Variants in SPON2 observed in about 807,000 individuals in gnomAD.
SPON2 encodes the protein spondin 2.
In SPON2, 32 loss-of-function variants were observed where a neutral mutation model predicts 29.9. The observed-to-expected ratio is 1.07, with a 90% CI of 0.81 to 1.44. The LOEUF is 1.44. Among genes scored for constraint, SPON2 ranks in the 40% most tolerant of loss-of-function variants. The pLI is 0.00. For missense variants in SPON2, 541 were observed against 455.5 expected (o/e 1.19, Z -1.71); for synonymous variants, 248 against 209.1 (o/e 1.19, Z -1.61).
intron 2 of SPON2, 24 bp from the exon 3 acceptor site, chr4:1,171,510 G>A (rs369401229): frequency 6.2e-7 from 1 of 1,601,610 alleles, no homozygotes; most frequent in Non-Finnish European, 8.5e-7. Flanking sequence ...CGGCCGCGCC[G>A]CGGACCATGG....
upstream of SPON2, among the ~76,000 whole-genome samples, chr4:1,177,796 A>G (rs1383086816): frequency 6.6e-6 from 1 of 152,098 alleles, no homozygotes; most frequent in Non-Finnish European, 1.5e-5. Flanking sequence ...GCCCAGCAGC[A>G]TGGAGCTCCT....
At chr4:1,198,719 C>G (rs74833265), upstream of SPON2, among the ~76,000 whole-genome samples, 1,489 of 152,182 alleles carry the variant, frequency 9.8e-3, 21 homozygotes, top group African/African-American at 0.034. Context: ...CTTACGAGGG[C>G]AGCGCAGTCA....
At chr4:1,175,082 C>T (rs1244342524), upstream of SPON2, among the ~76,000 whole-genome samples, 3 of 152,220 alleles carry the variant, frequency 2.0e-5, no homozygotes, top group Non-Finnish European at 2.9e-5. Flanking sequence ...ATCCACAGGC[C>T]TTTTTCCCAG....
At chr4:1,182,083 A>G (rs540981378) in intron 1 of SPON2, among the ~76,000 whole-genome samples, 1 of 152,340 alleles carries the variant, frequency 6.6e-6, no homozygotes, top group Non-Finnish European at 1.5e-5. Flanking sequence ...TACAACAACA[A>G]CAAAATGTAA....
At chr4:1,197,886 A>G (rs555242336), upstream of SPON2, among the ~76,000 whole-genome samples, 1 of 152,208 alleles carries the variant, frequency 6.6e-6, no homozygotes, top group Non-Finnish European at 1.5e-5. Context: ...GTGTCTTTGC[A>G]AAAATACACA....
At chr4:1,194,993 A>AGCCGGCGGCTCCAACCCCG (rs1728021906) in exon 1 of SPON2, 3 of 115,882 alleles carry the variant, frequency 2.6e-5, no homozygotes, top group South Asian at 2.9e-4. Flanking sequence ...GCCTCACCTC[A>AGCCGGCGGCTCCAACCCCG]CAGCCGGCGG....
upstream of SPON2, among the ~76,000 whole-genome samples, chr4:1,177,040 T>C (rs1370063923): frequency 6.6e-6 from 1 of 152,174 alleles, no homozygotes; most frequent in Non-Finnish European, 1.5e-5. Flanking sequence ...CAGTAAAGTG[T>C]TTAGTGAATT....
upstream of SPON2, among the ~76,000 whole-genome samples, chr4:1,175,269 G>A (rs772994959): frequency 1.6e-4 from 24 of 152,362 alleles, no homozygotes; most frequent in Non-Finnish European, 3.5e-4. Flanking sequence ...AAGCCAGGGT[G>A]CCGCTCCAGA....
At chr4:1,189,389 G>A (rs887828121) in intron 1 of SPON2, among the ~76,000 whole-genome samples, 4 of 152,044 alleles carry the variant, frequency 2.6e-5, no homozygotes, top group Admixed American at 2.6e-4. Context: ...GGGTATGGTG[G>A]CTCACACCTG....
At chr4:1,178,779 T>C (rs1727652946) in intron 2 of SPON2, among the ~76,000 whole-genome samples, 2 of 151,976 alleles carry the variant, frequency 1.3e-5, no homozygotes, top group South Asian at 2.1e-4. Context: ...AAGTGGCTTA[T>C]AGAATTGTGA....
At chr4:1,198,875 C>G (rs1312141005), upstream of SPON2, among the ~76,000 whole-genome samples, 1 of 152,034 alleles carries the variant, frequency 6.6e-6, no homozygotes, top group African/African-American at 2.4e-5. Context: ...GCAAAAGTCT[C>G]TGTCCACAAT....
At chr4:1,204,944 ACT>A (rs1250129015) in intron 1 of SPON2, 5 of 152,060 alleles carry the variant, frequency 3.3e-5, no homozygotes, top group South Asian at 2.1e-4. Flanking sequence ...CTGATTCCTG[ACT>A]CTGAATTTTG....
chr4:1,168,698 C>T (rs1045232993), intron 5 of SPON2, among the ~76,000 whole-genome samples: 1 of 152,204 alleles, frequency 6.6e-6, no homozygotes, highest in Non-Finnish European at 1.5e-5. Context: ...TGGGAGCGCC[C>T]CTGCCCTGGC....
intron 1 of SPON2, chr4:1,201,164 C>G (rs1455772460): frequency 1.3e-5 from 6 of 454,016 alleles, no homozygotes; most frequent in Admixed American, 2.4e-5. Flanking sequence ...AGGCCAAATG[C>G]AGGTGCCCCA....
chr4:1,195,616 C>G (rs545181765), upstream of SPON2, among the ~76,000 whole-genome samples: 1 of 152,194 alleles, frequency 6.6e-6, no homozygotes, highest in Non-Finnish European at 1.5e-5. Context: ...AGGGTGGGCT[C>G]TGTGCAAAAC....
At chr4:1,167,778 CTT>C (rs1327530503) in intron 5 of SPON2, 122 bp from the exon 6 acceptor site, 4 of 1,082,020 alleles carry the variant, frequency 3.7e-6, no homozygotes, top group African/African-American at 3.2e-5. Flanking sequence ...TTCGGGGGCA[CTT>C]GCGTTTCTCC....
intron 1 of SPON2, chr4:1,200,928 C>A (rs913375270): frequency 2.2e-6 from 1 of 456,720 alleles, no homozygotes; most frequent in East Asian, 6.9e-5. Context: ...GATGTGGGCA[C>A]CCCCGTGCCC....
At chr4:1,199,597 T>C (rs1728146331), upstream of SPON2, 1 of 152,314 alleles carries the variant, frequency 6.6e-6, no homozygotes, top group East Asian at 1.9e-4. The surrounding 1 kb of genome is among the most constrained non-coding windows in gnomAD (Gnocchi z 4.5). Flanking sequence ...GCTCCGGCCA[T>C]GGGGAGCTCG....
rs1298006658 is a variant in SPON2 at position 1,171,170 on chromosome 4, G to A, written c.465C>T (p.Ile155=). 4 of 1,546,762 alleles carry A rather than the reference G, an allele frequency of 2.6e-6. No homozygotes were observed. The highest frequency in any genetic ancestry group is 2.5e-5 in the East Asian group (1 of 40,670). The change falls in exon 4 of 6, where the codon ATC becomes ATT. Residue 155 remains isoleucine (I), a synonymous_variant. Transcript: ENST00000290902. ...RHSLVSFVVR[I]VPSPDWFVGV... ...CCACGAACCAGTCGGGGCTGGGCAC[G>A]ATGCGCACCACAAACGAGACCTGCG... is the stretch of plus-strand genomic sequence containing the variant.
Sources: allele counts gnomAD v4.1 joint callset (sites outside exome capture counted in the v4.1 genomes callset), GRCh38; gene constraint gnomAD v4.1.1; non-coding constraint Gnocchi (gnomAD v3.1); transcripts MANE v1.5; gene names NCBI Gene and HGNC (gene_info 2026-07-23, HGNC 2026-07-21).